Variants in SLC30A8 observed in about 807,000 individuals in gnomAD.
SLC30A8 encodes the protein solute carrier family 30 member 8, also known as proton-coupled zinc antiporter SLC30A8.
A neutral mutation model predicts 36.9 loss-of-function variants in SLC30A8; 27 were observed. That is an observed-to-expected ratio of 0.73 (90% CI 0.54 to 1.01). The LOEUF (loss-of-function observed/expected upper bound fraction) is 1.01. SLC30A8 is among the 50% of genes least tolerant of loss of function. SLC30A8 has a pLI of 0.00. For synonymous variants in SLC30A8, 164 were observed against 172.4 expected (o/e 0.95, Z 0.38); for missense variants, 439 against 452.0 (o/e 0.97, Z 0.26).
chr8:116,996,348 T>G (rs1051685859), intron 1 of SLC30A8, among the ~76,000 whole-genome samples: 1 of 152,342 alleles, frequency 6.6e-6, no homozygotes, highest in African/African-American at 2.4e-5. Flanking sequence ...TTGTCTGTCT[T>G]TATTTTATTT....
intron 1 of SLC30A8, among the ~76,000 whole-genome samples, chr8:116,977,365 G>A (rs1457975019): frequency 6.7e-6 from 1 of 148,804 alleles, no homozygotes; most frequent in East Asian, 2.0e-4. Context: ...GTGTTAGCCA[G>A]GATGGTATTG....
chr8:117,176,093 C>T lies in SLC30A8; in HGVS notation c.*3412C>T, dbSNP rs1475061881. On this transcript the variant is annotated 3_prime_UTR_variant, in exon 8 of 8. Transcript: ENST00000456015. ...TCTTGGCTTTTCTCTGTCATGTAGC[C>T]TCAACTTTCTCTGACCGGGTGCATT... The T allele has an allele frequency of 6.6e-6, 1 of 152,060 alleles. No individual in the cohort carries two copies. The highest frequency in any genetic ancestry group is 1.9e-4 in the East Asian group (1 of 5,178). The allele number at this position is 152,060 out of a possible 1,614,324, so 9.4% of individuals were successfully genotyped here. A position where few individuals can be genotyped will look rare whatever the true frequency, so the allele number is the denominator to read the frequency against.
intron 2 of SLC30A8, among the ~76,000 whole-genome samples, chr8:117,055,177 A>G (rs1817833393): frequency 1.3e-5 from 2 of 152,234 alleles, no homozygotes; most frequent in Non-Finnish European, 2.9e-5. Flanking sequence ...GAAAGTTCAC[A>G]AAGGGGCTCA....
intron 1 of SLC30A8, among the ~76,000 whole-genome samples, chr8:117,025,432 T>C (rs115688075): frequency 2.5e-3 from 383 of 152,328 alleles, no homozygotes; most frequent in African/African-American, 8.8e-3. Flanking sequence ...TCTTGAATGA[T>C]TAATGTTCTG....
At chr8:116,974,649 A>G (rs990479101) in intron 1 of SLC30A8, among the ~76,000 whole-genome samples, 1 of 152,164 alleles carries the variant, frequency 6.6e-6, no homozygotes, top group Non-Finnish European at 1.5e-5. Context: ...AGGATCTAGA[A>G]CTAGAAATAC....
intron 1 of SLC30A8, among the ~76,000 whole-genome samples, chr8:117,143,426 C>A (rs886803152): frequency 8.5e-5 from 13 of 152,114 alleles, no homozygotes; most frequent in African/African-American, 3.1e-4. Context: ...ACAGCAGATT[C>A]ACAATTCAGT....
intron 2 of SLC30A8, among the ~76,000 whole-genome samples, chr8:117,151,265 A>G (rs4876369): frequency 0.1 from 15,558 of 152,238 alleles, 994 homozygotes; most frequent in East Asian, 0.15. Context: ...TCTCTGGTAC[A>G]GTGAGTGTTA....
chr8:117,079,406 T>C (rs1203234796), intron 2 of SLC30A8, among the ~76,000 whole-genome samples: 1 of 152,198 alleles, frequency 6.6e-6, no homozygotes, highest in Non-Finnish European at 1.5e-5. Flanking sequence ...GATCTTTATT[T>C]TGTTCACATA....
intron 1 of SLC30A8, among the ~76,000 whole-genome samples, chr8:116,964,992 G>GA (rs1156753946): frequency 5.3e-5 from 8 of 152,122 alleles, no homozygotes. Context: ...GCTGGAGTGC[G>GA]ATGGTGTGAT....
intron 2 of SLC30A8, among the ~76,000 whole-genome samples, chr8:117,040,184 C>T (rs1435757586): frequency 1.3e-5 from 2 of 152,192 alleles, no homozygotes; most frequent in African/African-American, 2.4e-5. Flanking sequence ...TACAGAGGAG[C>T]TCTTAGATAT....
chr8:117,121,372 A>G (rs1213857901), intron 2 of SLC30A8, among the ~76,000 whole-genome samples: 1 of 151,858 alleles, frequency 6.6e-6, no homozygotes, highest in Admixed American at 6.6e-5. Flanking sequence ...AACACCATAA[A>G]CCAGGCTGCT....
intron 1 of SLC30A8, among the ~76,000 whole-genome samples, chr8:117,028,131 G>T (rs751229340): frequency 2.0e-5 from 3 of 152,132 alleles, no homozygotes; most frequent in Non-Finnish European, 4.4e-5. Flanking sequence ...AAGAAGTGGA[G>T]AAAGAGAGGA....
intron 2 of SLC30A8, among the ~76,000 whole-genome samples, chr8:117,111,571 G>GTTTA (rs1213597636): frequency 1.3e-5 from 2 of 152,146 alleles, no homozygotes; most frequent in Admixed American, 6.6e-5. Context: ...GACTGTGATA[G>GTTTA]TTTAGCTTTG....
In SLC30A8 at chr8:116,984,245, T is replaced by C. The variant is rs955144675; in HGVS notation, c.-266+33126T>C. Among the ~76,000 whole-genome samples the C allele has an allele frequency of 5.2e-4, 79 of 152,202 alleles. 1 individual carries two copies. Among genetic ancestry groups the C allele is most frequent in the Non-Finnish European group, 4.4e-5 (3 of 68,024 alleles). The stretch of plus-strand genomic sequence containing the variant: ...ATTAGGATTGTTTCTAGTTTTTGTC[T>C]ATTATTAATAAAGCTTCTATGAATA... On this transcript the variant is annotated intron_variant, in intron 1 of 10. Transcript: ENST00000427715.
chr8:117,116,439 G>A (rs1264621353), intron 2 of SLC30A8, among the ~76,000 whole-genome samples: 1 of 152,040 alleles, frequency 6.6e-6, no homozygotes, highest in Admixed American at 6.6e-5. Flanking sequence ...CATATTGTGT[G>A]ACTCCTGTTC....
At chr8:116,977,423 G>T (rs553911308) in intron 1 of SLC30A8, among the ~76,000 whole-genome samples, 1 of 150,938 alleles carries the variant, frequency 6.6e-6, no homozygotes, top group African/African-American at 2.4e-5. Context: ...AAAGTATTGG[G>T]ATTACAGGCG....
chr8:117,124,950 G>A (rs1202119310), intron 2 of SLC30A8, among the ~76,000 whole-genome samples: 1 of 151,714 alleles, frequency 6.6e-6, no homozygotes, highest in Non-Finnish European at 1.5e-5. Flanking sequence ...TAAAAAATCA[G>A]TAAAGATTAT....
At chr8:117,026,920 G>T (rs894706567) in intron 1 of SLC30A8, among the ~76,000 whole-genome samples, 3 of 152,118 alleles carry the variant, frequency 2.0e-5, no homozygotes, top group African/African-American at 7.2e-5. Flanking sequence ...GGGTAGCAGA[G>T]CTTTGATGTG....
At chr8:117,022,502 C>T (rs1016000583) in intron 1 of SLC30A8, among the ~76,000 whole-genome samples, 1 of 152,132 alleles carries the variant, frequency 6.6e-6, no homozygotes, top group Non-Finnish European at 1.5e-5. Flanking sequence ...TAGAAGGAGA[C>T]AATCTCATAC....
Sources: gnomAD v4.1 joint callset for allele counts (sites outside exome capture counted in the v4.1 genomes callset) on GRCh38, gnomAD v4.1.1 for gene constraint, MANE v1.5 for transcripts, NCBI Gene and HGNC (gene_info 2026-07-23, HGNC 2026-07-21) for gene names.